The following GALNT17 variants were observed in gnomAD, a reference collection of about 807,000 sequenced individuals.
GALNT17 encodes the protein UDP-GalNAc:polypeptide N-acetylgalactosaminyltransferase-like 3.
A neutral mutation model predicts 63.7 loss-of-function variants in GALNT17; 29 were observed. The ratio of observed to expected loss-of-function variants is 0.46; its 90% CI spans 0.34 to 0.62. The LOEUF is 0.62. GALNT17 is among the 20% of genes least tolerant of loss of function. GALNT17 has a pLI of 0.01. For missense variants in GALNT17, 603 were observed against 799.6 expected (o/e 0.75, Z 2.97); for synonymous variants, 305 against 318.3 (o/e 0.96, Z 0.45).
chr7:71,593,259 CTTTTTT>C (rs56193714), intron 6 of GALNT17, among the ~76,000 whole-genome samples: 19 of 70,990 alleles, frequency 2.7e-4, no homozygotes, highest in African/African-American at 1.1e-3. Context: ...ATTTTTCTTC[CTTTTTT>C]TTTTTTTTTT....
At chr7:71,357,974 C>T (rs1583886438) in intron 2 of GALNT17, among the ~76,000 whole-genome samples, 1 of 152,142 alleles carries the variant, frequency 6.6e-6, no homozygotes, top group Non-Finnish European at 1.5e-5. Flanking sequence ...AGAAATGGAA[C>T]ATGGGAGGGG....
chr7:71,335,989 C>T (rs533930354), intron 2 of GALNT17, among the ~76,000 whole-genome samples: 1 of 79,908 alleles, frequency 1.3e-5, no homozygotes, highest in Non-Finnish European at 2.5e-5. Context: ...TTTAATTCTT[C>T]TTCTTCTTCT....
At chr7:71,634,091 T>C (rs919786074) in intron 6 of GALNT17, among the ~76,000 whole-genome samples, 1 of 152,180 alleles carries the variant, frequency 6.6e-6, no homozygotes, top group Non-Finnish European at 1.5e-5. Context: ...TATTGTACAT[T>C]GTATTCGACA....
At chr7:71,159,152 C>CTTA (rs1788293758) in intron 1 of GALNT17, among the ~76,000 whole-genome samples, 1 of 151,798 alleles carries the variant, frequency 6.6e-6, no homozygotes, top group Non-Finnish European at 1.5e-5. Context: ...CCCTTCTAAG[C>CTTA]ATAGCCCCTC....
intron 3 of GALNT17, 65 bp from the exon 4 acceptor site, chr7:71,415,824 A>G: frequency 6.8e-7 from 1 of 1,466,298 alleles, no homozygotes; most frequent in South Asian, 1.5e-5. Context: ...TGGGCATTGC[A>G]GTGGGTTAGA....
chr7:71,646,596 A>G (rs934279950), intron 6 of GALNT17, among the ~76,000 whole-genome samples: 1 of 152,182 alleles, frequency 6.6e-6, no homozygotes, highest in Admixed American at 6.5e-5. Context: ...TTCACAGAGG[A>G]ATCACATGGG....
At chr7:71,341,231 G>A (rs1792000474) in intron 2 of GALNT17, among the ~76,000 whole-genome samples, 1 of 152,026 alleles carries the variant, frequency 6.6e-6, no homozygotes, top group African/African-American at 2.4e-5. Context: ...TAAAGAGTTG[G>A]AAGACAGCAT....
At chr7:71,412,002 C>T (rs1297928414) in intron 3 of GALNT17, among the ~76,000 whole-genome samples, 1 of 152,188 alleles carries the variant, frequency 6.6e-6, no homozygotes. Context: ...AAGTGCTGGA[C>T]TCTGTTTCAA....
At chr7:71,529,995 G>A (rs561980632) in intron 5 of GALNT17, among the ~76,000 whole-genome samples, 2 of 152,322 alleles carry the variant, frequency 1.3e-5, no homozygotes, top group African/African-American at 4.8e-5. Flanking sequence ...GATAATCAAA[G>A]TGGAAGCATT....
At chr7:71,189,280 G>T (rs1260242447) in intron 1 of GALNT17, among the ~76,000 whole-genome samples, 1 of 152,094 alleles carries the variant, frequency 6.6e-6, no homozygotes, top group African/African-American at 2.4e-5. Flanking sequence ...TGCCATGATT[G>T]TGAAGCCTCC....
At chr7:71,355,357 C>T (rs1305708177) in intron 2 of GALNT17, among the ~76,000 whole-genome samples, 1 of 152,080 alleles carries the variant, frequency 6.6e-6, no homozygotes, top group Non-Finnish European at 1.5e-5. Context: ...CTTAAAACTT[C>T]CCACTGATTG....
chr7:71,196,136 A>ATTAT (rs1188697404), intron 1 of GALNT17, among the ~76,000 whole-genome samples: 35 of 151,286 alleles, frequency 2.3e-4, no homozygotes, highest in African/African-American at 7.5e-4. Context: ...TATTTATTTT[A>ATTAT]TTATTTATTT....
chr7:71,346,421 C>T (rs796108600), intron 2 of GALNT17, among the ~76,000 whole-genome samples: 23 of 151,938 alleles, frequency 1.5e-4, no homozygotes, highest in African/African-American at 5.1e-4. Context: ...ATGTTTTTGT[C>T]GCTGTATGGC....
chr7:71,534,154 A>G (rs1317083311), intron 5 of GALNT17, among the ~76,000 whole-genome samples: 1 of 152,166 alleles, frequency 6.6e-6, no homozygotes, highest in Non-Finnish European at 1.5e-5. Flanking sequence ...TAATTTATAA[A>G]GGAAAGAGGC....
chr7:71,700,020 AGT>A (rs1791607005), intron 9 of GALNT17, among the ~76,000 whole-genome samples: 1 of 152,128 alleles, frequency 6.6e-6, no homozygotes, highest in Admixed American at 6.6e-5. Context: ...GGCCAGGCAC[AGT>A]GGCTCACACC....
chr7:71,476,124 C>G (rs970967606), intron 5 of GALNT17, among the ~76,000 whole-genome samples: 2 of 152,108 alleles, frequency 1.3e-5, no homozygotes, highest in Non-Finnish European at 1.5e-5. Context: ...GGCTTCCAGA[C>G]CCAGTGGAAG....
At chr7:71,588,516 T>C (rs1173229458) in intron 6 of GALNT17, among the ~76,000 whole-genome samples, 1 of 152,222 alleles carries the variant, frequency 6.6e-6, no homozygotes, top group Non-Finnish European at 1.5e-5. Context: ...TTAAGTTCAC[T>C]TTTGTTTTTT....
intron 9 of GALNT17, among the ~76,000 whole-genome samples, chr7:71,680,499 T>C (rs1442160162): frequency 1.5e-3 from 63 of 43,288 alleles, no homozygotes; most frequent in African/African-American, 3.3e-3. Context: ...TCCCTCCCTC[T>C]CTCCCTTCCT....
At chr7:71,512,142 A>G (rs1788367318) in intron 5 of GALNT17, among the ~76,000 whole-genome samples, 1 of 151,468 alleles carries the variant, frequency 6.6e-6, no homozygotes, top group South Asian at 2.1e-4. Context: ...AGCAGGGACT[A>G]CAGGTGTGTG....
Sources: allele counts gnomAD v4.1 joint callset (sites outside exome capture counted in the v4.1 genomes callset), GRCh38; gene constraint gnomAD v4.1.1; transcripts MANE v1.5; gene names NCBI Gene and HGNC (gene_info 2026-07-23, HGNC 2026-07-21).